PCDHA5: variants seen among roughly 807,000 people sequenced by gnomAD.
The protein encoded by PCDHA5 is protocadherin alpha 5.
PCDHA5 carries 43 observed loss-of-function variants against 61.6 expected under a neutral mutation model. The observed-to-expected ratio is 0.70, with a 90% CI of 0.55 to 0.90. The LOEUF is 0.90. PCDHA5 is among the 40% of genes least tolerant of loss of function. PCDHA5 has a pLI of 0.00. For missense variants in PCDHA5, 1,298 were observed against 1,222.7 expected, an observed-to-expected ratio of 1.06 and a Z score of -0.92; for synonymous variants, 627 against 543.9, an observed-to-expected ratio of 1.15 and a Z score of -2.13.
chr5:140,926,891 G>A, intron 1 of PCDHA5: 9 of 1,545,914 alleles, frequency 5.8e-6, no homozygotes, highest in Non-Finnish European at 7.9e-6. Context: ...CCTAGAGGGA[G>A]GATGGTGGGC....
intron 1 of PCDHA5, chr5:140,855,960 T>A (rs933070909): frequency 4.3e-6 from 6 of 1,398,506 alleles, no homozygotes; most frequent in East Asian, 2.3e-5. Flanking sequence ...CGATAAAAAA[T>A]AGATATAAGA....
intron 1 of PCDHA5, chr5:140,858,129 T>A (rs1258479453): frequency 6.3e-7 from 1 of 1,597,464 alleles, no homozygotes; most frequent in Non-Finnish European, 8.6e-7. Context: ...CTGGTGGATG[T>A]CAACGTGTAC....
intron 1 of PCDHA5, among the ~76,000 whole-genome samples, chr5:140,905,764 A>G (rs2072069491): frequency 6.6e-6 from 1 of 152,144 alleles, no homozygotes; most frequent in African/African-American, 2.4e-5. Flanking sequence ...TTGGTTAAGT[A>G]TATTCCGAAG....
chr5:140,978,427 GTTGCT>G (rs2096802128), intron 1 of PCDHA5, among the ~76,000 whole-genome samples: 1 of 152,196 alleles, frequency 6.6e-6, no homozygotes, highest in Non-Finnish European at 1.5e-5. Context: ...ACTGTTATCA[GTTGCT>G]GGTGTTATGA....
chr5:140,919,666 A>G (rs1247598579), intron 1 of PCDHA5, among the ~76,000 whole-genome samples: 1 of 152,154 alleles, frequency 6.6e-6, no homozygotes. Context: ...TATATATTTT[A>G]GCTTATTGGT....
chr5:140,836,543 G>A lies in PCDHA5; in HGVS notation c.2352+12416G>A, dbSNP rs1209808083. On this transcript the variant is annotated intron_variant, in intron 1 of 3. Coordinates refer to ENST00000529859, the MANE Select transcript of PCDHA5 (RefSeq NM_018908.3). ...TGCTTACCCTGCTGCTGTACACGGC[G>A]TTGCGGTGCTCAGCGCCGTCCTCTG... 3 of 1,613,702 alleles carry A rather than the reference G, an allele frequency of 1.9e-6. No homozygotes were observed. The African/African-American group carries it at 4.0e-5, about 22-fold the overall frequency.
At chr5:140,987,314 G>A (rs1554249065) in intron 3 of PCDHA5, among the ~76,000 whole-genome samples, 1 of 152,126 alleles carries the variant, frequency 6.6e-6, no homozygotes, top group Non-Finnish European at 1.5e-5. Flanking sequence ...CCAATGTACT[G>A]TGAAGTTTTA....
At chr5:140,978,528 C>T (rs903940636) in intron 1 of PCDHA5, among the ~76,000 whole-genome samples, 1 of 152,192 alleles carries the variant, frequency 6.6e-6, no homozygotes, top group Non-Finnish European at 1.5e-5. Flanking sequence ...GCCAGGCCAG[C>T]AGAACTTGTG....
rs560256618 is a variant in PCDHA5 at position 140,999,889 on chromosome 5, C to T, written c.2501-9738C>T. Among the ~76,000 whole-genome samples the T allele has an allele frequency of 2.0e-5, 3 of 152,292 alleles. No homozygotes were observed. In the East Asian group the frequency reaches 5.8e-4, roughly 29 times the overall value. ...TTACTGAAAATTAGCCCAGCTGTAG[C>T]TTGGGACACCAAACAGCCAAAAAAT... On this transcript the variant is annotated intron_variant, in intron 3 of 3. Coordinates refer to ENST00000529859, the MANE Select transcript of PCDHA5 (RefSeq NM_018908.3).
At chr5:140,838,888 C>G (rs2150293453) in intron 1 of PCDHA5, among the ~76,000 whole-genome samples, 1 of 151,810 alleles carries the variant, frequency 6.6e-6, no homozygotes, top group East Asian at 1.9e-4. Flanking sequence ...GAACTCCAGC[C>G]TAGGTGACAG....
chr5:140,836,508 A>C, intron 1 of PCDHA5: 1 of 1,613,830 alleles, frequency 6.2e-7, no homozygotes, highest in Non-Finnish European at 8.5e-7. Context: ...CGCGGTGTCC[A>C]GTCTGTTGGT....
In PCDHA5 at chr5:140,871,291, G is replaced by T. The variant is rs2052917819; in HGVS notation, c.2352+47164G>T. 3 of 1,613,906 alleles carry T rather than the reference G, an allele frequency of 1.9e-6. No individual in the cohort carries two copies. Among genetic ancestry groups the T allele is most frequent in the African/African-American group, 2.7e-5 (2 of 75,070 alleles). ...GTGGTCGGCAACGCCCACTGAGGGC[G>T]CGTGCGCGCCGGGGAAGCCCACGCT... On this transcript the variant is annotated intron_variant, in intron 1 of 3. Transcript: ENST00000529859.
At chr5:140,986,355 T>G (rs1381730343) in intron 3 of PCDHA5, among the ~76,000 whole-genome samples, 6 of 152,154 alleles carry the variant, frequency 3.9e-5, no homozygotes, top group African/African-American at 1.4e-4. Context: ...CTTCTTCAGA[T>G]GGAGGAATGC....
At chr5:140,865,535 T>C (rs2048909108) in intron 1 of PCDHA5, 3 of 152,192 alleles carry the variant, frequency 2.0e-5, no homozygotes, top group South Asian at 2.1e-4. Context: ...TCTTCATCCA[T>C]AGCTATAGGA....
chr5:140,928,126 C>G (rs782461261), intron 1 of PCDHA5: 1 of 1,614,058 alleles, frequency 6.2e-7, no homozygotes, highest in African/African-American at 1.3e-5. Context: ...CAGTGAATAC[C>G]AAGTCCTGAT....
In PCDHA5 at chr5:141,011,632, C is replaced by T. The variant is rs1333162247; in HGVS notation, c.*1695C>T. Reference sequence around the variant, plus strand: ...TTTATGGTCCAGCCAAGAGCCATCTCGTGCCAAGACTTCTGCTGGCAAGGG... The same window carrying T: ...TTTATGGTCCAGCCAAGAGCCATCTTGTGCCAAGACTTCTGCTGGCAAGGG... On this transcript the variant is annotated 3_prime_UTR_variant, in exon 4 of 4. Transcript: ENST00000529859. The T allele has an allele frequency of 1.3e-5, 2 of 153,656 alleles. No homozygotes were observed. The highest frequency in any genetic ancestry group is 4.8e-5 in the African/African-American group (2 of 41,412). 9.5% of individuals were successfully genotyped at this position (153,656 alleles called of 1,614,324 possible).
chr5:140,919,120 C>G (rs1554198933), intron 1 of PCDHA5, among the ~76,000 whole-genome samples: 2 of 152,008 alleles, frequency 1.3e-5, no homozygotes, highest in African/African-American at 4.8e-5. Context: ...CCAGTTTTTG[C>G]TTCATGTGTT....
chr5:140,850,266 G>A, intron 1 of PCDHA5: 2 of 1,594,736 alleles, frequency 1.3e-6, no homozygotes, highest in Non-Finnish European at 8.6e-7. Context: ...CGGCGTAGTG[G>A]TGGGGAAGGT....
intron 1 of PCDHA5, among the ~76,000 whole-genome samples, chr5:140,937,771 G>T (rs558321540): frequency 6.6e-6 from 1 of 151,436 alleles, no homozygotes; most frequent in Non-Finnish European, 1.5e-5. Context: ...AATTAGTCGG[G>T]CGTGGTGGCG....
Sources: allele counts gnomAD v4.1 joint callset (sites outside exome capture counted in the v4.1 genomes callset), GRCh38; gene constraint gnomAD v4.1.1; transcripts MANE v1.5; gene names NCBI Gene and HGNC (gene_info 2026-07-23, HGNC 2026-07-21).